The following APOL2 variants were observed in gnomAD, a reference collection of about 807,000 sequenced individuals.
APOL2 encodes apolipoprotein L2.
A neutral mutation model predicts 7.1 loss-of-function variants in APOL2; 8 were observed. That is an observed-to-expected ratio of 1.12 (90% confidence interval 0.66 to 2.03). The LOEUF (loss-of-function observed/expected upper bound fraction) is 2.03. Ranked by LOEUF, APOL2 falls within the 30% of genes most tolerant of loss-of-function variation. The pLI is 0.00. For synonymous variants in APOL2, 177 were observed against 159.9 expected (o/e 1.11, Z -0.81); for missense variants, 471 against 415.1 (o/e 1.13, Z -1.17).
intron 4 of APOL2, among the ~76,000 whole-genome samples, chr22:36,230,179 G>C (rs1269765224): frequency 6.6e-6 from 1 of 152,236 alleles, no homozygotes; most frequent in Non-Finnish European, 1.5e-5. Context: ...CTCCTCGGTT[G>C]GGACTTTGTG....
At chr22:36,236,511 T>C in intron 1 of APOL2, 1 of 954,132 alleles carries the variant, frequency 1.0e-6, no homozygotes, top group Non-Finnish European at 1.2e-6. Flanking sequence ...TGACTAATAA[T>C]GACACTATAA....
chr22:36,235,746 TGGGTGGGTGG>T (rs151110005), intron 1 of APOL2, among the ~76,000 whole-genome samples: 11,901 of 116,012 alleles, frequency 0.1, 612 homozygotes, highest in Admixed American at 0.17. Flanking sequence ...GAAGAAAGGG[TGGGTGGGTGG>T]GTGTGTGTGT....
chr22:36,233,546 G>A, intron 1 of APOL2, 91 bp from the exon 2 acceptor site: 4 of 1,183,324 alleles, frequency 3.4e-6, no homozygotes, highest in Non-Finnish European at 4.8e-6. Flanking sequence ...AATAGAGATG[G>A]GAGGGAACAT....
chr22:36,237,337 C>G, intron 1 of APOL2: 1 of 1,327,334 alleles, frequency 7.5e-7, no homozygotes, highest in East Asian at 2.9e-5. Context: ...CAAAGCATCT[C>G]CCTCCAAGTG....
In APOL2 at chr22:36,227,516, C is replaced by G. The variant is rs2015047327; in HGVS notation, c.902G>C (p.Gly301Ala). 2.5e-6 allele frequency: 4 copies of G among 1,614,006 alleles called. No homozygotes were observed. The highest frequency in any genetic ancestry group is 1.7e-6 in the Non-Finnish European group (2 of 1,180,038). The part of the protein sequence containing the change: ...LAYESKHLLE[G>A]AKSESAEELK... The stretch of plus-strand genomic sequence containing the variant: ...CTCCTCAGCTGACTCTGACTTTGCC[C>G]CCTCAAGCAAGTGCTTTGACTCATA... Residue 301 changes from glycine to alanine, a missense_variant, in exon 5 of 5, where the codon GGG (glycine) becomes GCG (alanine). By Grantham distance (60) the Gly-to-Ala change is moderately conservative. Transcript: ENST00000358502.
At position 36,227,898 on chromosome 22, in the gene APOL2, T is replaced by C. The variant is rs1424593416; in HGVS notation, c.520A>G (p.Lys174Glu). The change falls in exon 5 of 5, where the codon AAA becomes GAA. Residue 174 changes from lysine to glutamate, a missense_variant. By Grantham distance (56) the Lys-to-Glu change is moderately conservative. Transcript: ENST00000358502. ...CGGGCTTGGGCTCGTGCCCGCAATT[T>C]GTTTACTAGTTCTACCACACTGCAG... Reference protein sequence around the residue: ...ITCSVVELVNKLRARAQARNL... With the variant: ...ITCSVVELVNELRARAQARNL... 1.9e-6 allele frequency: 3 copies of C among 1,614,154 alleles called. No individual in the cohort carries two copies. Among genetic ancestry groups the C allele is most frequent in the African/African-American group, 2.7e-5 (2 of 74,952 alleles).
At chr22:36,236,300 G>A (rs889071550) in intron 1 of APOL2, among the ~76,000 whole-genome samples, 1 of 152,214 alleles carries the variant, frequency 6.6e-6, no homozygotes, top group Non-Finnish European at 1.5e-5. Flanking sequence ...AGCACTGAAC[G>A]AAGGAGAAGG....
chr22:36,232,754 G>A (rs1014368493), intron 3 of APOL2, among the ~76,000 whole-genome samples: 1 of 152,068 alleles, frequency 6.6e-6, no homozygotes, highest in African/African-American at 2.4e-5. Flanking sequence ...AAAAAACCCT[G>A]GGTCAGCAGG....
intron 1 of APOL2, among the ~76,000 whole-genome samples, chr22:36,234,005 C>T (rs999490957): frequency 4.6e-5 from 7 of 152,174 alleles, no homozygotes; most frequent in Non-Finnish European, 1.0e-4. Context: ...TGCTAGATGC[C>T]GGCCCAGCCC....
intron 1 of APOL2, among the ~76,000 whole-genome samples, chr22:36,237,619 C>T (rs1295937531): frequency 6.6e-6 from 1 of 152,102 alleles, no homozygotes; most frequent in Non-Finnish European, 1.5e-5. Context: ...TCCTGTGTTG[C>T]CCAAGCTGTC....
At chr22:36,239,343 C>G in intron 1 of APOL2, 98 bp downstream of exon 1, 1 of 1,376,294 alleles carries the variant, frequency 7.3e-7, no homozygotes, top group South Asian at 1.5e-5. Context: ...AGCTACCTAA[C>G]CTCTCTGAGC....
At chr22:36,232,827 C>T (rs1279064354) in intron 3 of APOL2, among the ~76,000 whole-genome samples, 1 of 152,060 alleles carries the variant, frequency 6.6e-6, no homozygotes, top group Non-Finnish European at 1.5e-5. Context: ...CCCTCCCCTC[C>T]TCCTGGACCC....
intron 4 of APOL2, among the ~76,000 whole-genome samples, chr22:36,229,462 T>C (rs1168418310): frequency 6.6e-6 from 1 of 152,248 alleles, no homozygotes; most frequent in Non-Finnish European, 1.5e-5. Flanking sequence ...CAACACCGCA[T>C]GTGTTTTGTC....
At position 36,228,025 on chromosome 22, in the gene APOL2, G is replaced by C; in HGVS notation, c.393C>G (p.Thr131=). Residue 131 remains threonine, a synonymous_variant, in exon 5 of 5, where the codon ACC becomes ACG. Transcript: ENST00000358502. ...AGGGTGCCAGACCCAGGCCGAGGAGGGTCAGGATGCCAGAGGTAGTGCCAA... is the reference window on the plus strand; with the variant it reads ...AGGGTGCCAGACCCAGGCCGAGGAGCGTCAGGATGCCAGAGGTAGTGCCAA... ...NSVGTTSGIL[T]LLGLGLAPFT... The C allele has an allele frequency of 6.2e-7, 1 of 1,614,212 alleles. No homozygotes were observed. The highest frequency in any genetic ancestry group is 8.5e-7 in the Non-Finnish European group (1 of 1,180,040).
chr22:36,237,351 G>T, intron 1 of APOL2: 1 of 1,314,492 alleles, frequency 7.6e-7, no homozygotes. Flanking sequence ...CCAAGTGGTT[G>T]TGGGGCATCC....
Position 36,227,832 on chromosome 22 carries a change from T to C in APOL2, c.586A>G (p.Lys196Glu). Reference sequence around the variant, plus strand: ...GGTGTGTTCCCACCCACAAACTCCTTCATCACCTTTGCTACATTGGTGCCG... The same window carrying C: ...GGTGTGTTCCCACCCACAAACTCCTCCATCACCTTTGCTACATTGGTGCCG... ...QSGTNVAKVM[K>E]EFVGGNTPNV... The change falls in exon 5 of 5, where the codon AAG (lysine) becomes GAG (glutamate). Residue 196 changes from lysine to glutamate, a missense_variant. Lys to Glu is a moderately conservative substitution (Grantham distance 56). Coordinates refer to ENST00000358502, the MANE Select transcript of APOL2 (RefSeq NM_030882.4). 6.2e-7 allele frequency: 1 copy of C among 1,614,244 alleles called. No homozygotes were observed. Among genetic ancestry groups the C allele is most frequent in the African/African-American group, 1.3e-5 (1 of 75,064 alleles).
intron 3 of APOL2, among the ~76,000 whole-genome samples, chr22:36,231,709 A>G (rs372189405): frequency 4.5e-4 from 69 of 152,348 alleles, no homozygotes; most frequent in African/African-American, 1.6e-3. Flanking sequence ...GAATGAGATC[A>G]CAAGGGTAGG....
intron 4 of APOL2, 116 bp downstream of exon 4, chr22:36,231,224 C>T (rs938477568): frequency 5.0e-6 from 7 of 1,395,886 alleles, no homozygotes; most frequent in Non-Finnish European, 5.8e-6. Context: ...AGGTCATCCT[C>T]AAGCCCAGCA....
rs1557535 is a variant in APOL2 at position 36,237,406 on chromosome 22, C to T, written c.-134+2035G>A. On this transcript the variant is annotated intron_variant, in intron 1 of 4. Coordinates refer to ENST00000358502, the MANE Select transcript of APOL2 (RefSeq NM_030882.4). The stretch of plus-strand genomic sequence containing the variant: ...GAGTCGAAATGATTTCCTGAGAAAT[C>T]GTCATTTTCATTTTATTTTTGAGAA... 7.4e-6 allele frequency: 9 copies of T among 1,220,838 alleles called. No homozygotes were observed. In the East Asian group the frequency reaches 1.4e-4, roughly 19 times the overall value. 75.6% of individuals were successfully genotyped at this position (1,220,838 alleles called of 1,614,324 possible).
Sources: allele counts gnomAD v4.1 joint callset (sites outside exome capture counted in the v4.1 genomes callset), GRCh38; gene constraint gnomAD v4.1.1; transcripts MANE v1.5; gene names NCBI Gene and HGNC (gene_info 2026-07-23, HGNC 2026-07-21).